Variants in CADPS observed in about 807,000 individuals in gnomAD.
CADPS encodes the protein calcium-dependent secretion activator 1.
Under a neutral mutation model 167.3 loss-of-function variants are expected in CADPS, and 57 were observed. The ratio of observed to expected loss-of-function variants is 0.34; its 90% CI spans 0.28 to 0.42. The LOEUF (loss-of-function observed/expected upper bound fraction) is 0.42, where lower values mean the gene tolerates loss of function less well. CADPS is among the 20% of genes least tolerant of loss of function. The pLI is 1.00. For missense variants in CADPS, 1,414 were observed against 1,738.1 expected (o/e 0.81, Z 3.32); for synonymous variants, 676 against 635.3 (o/e 1.06, Z -0.96).
chr3:62,858,402 C>T (rs1055784546), intron 1 of CADPS, among the ~76,000 whole-genome samples: 10 of 152,146 alleles, frequency 6.6e-5, no homozygotes, highest in African/African-American at 2.4e-4. Flanking sequence ...GAATACAAGT[C>T]CTCCACTTTG....
At chr3:62,810,761 C>A (rs993575925) in intron 1 of CADPS, among the ~76,000 whole-genome samples, 2 of 152,220 alleles carry the variant, frequency 1.3e-5, no homozygotes, top group African/African-American at 2.4e-5. Context: ...TGCTGAATAT[C>A]CCACTGTCAT....
At chr3:62,696,023 C>T (rs2080208385) in intron 3 of CADPS, among the ~76,000 whole-genome samples, 1 of 152,114 alleles carries the variant, frequency 6.6e-6, no homozygotes, top group Non-Finnish European at 1.5e-5. Context: ...TGCCTTTTGT[C>T]AGTTATCAGG....
intron 9 of CADPS, among the ~76,000 whole-genome samples, chr3:62,563,769 C>T (rs2152398623): frequency 6.6e-6 from 1 of 152,264 alleles, no homozygotes; most frequent in East Asian, 1.9e-4. Flanking sequence ...TTAGCCCCCA[C>T]TTATGAATGA....
intron 21 of CADPS, among the ~76,000 whole-genome samples, chr3:62,487,377 C>T (rs575666897): frequency 5.3e-5 from 8 of 152,296 alleles, no homozygotes; most frequent in African/African-American, 1.9e-4. Context: ...GGACCAAAAC[C>T]TCATATTCAC....
At chr3:62,657,980 T>A (rs1016742512) in intron 4 of CADPS, among the ~76,000 whole-genome samples, 4 of 152,164 alleles carry the variant, frequency 2.6e-5, no homozygotes, top group African/African-American at 9.7e-5. Flanking sequence ...CTGCTTCATA[T>A]GGGCTTCTGG....
intron 3 of CADPS, among the ~76,000 whole-genome samples, chr3:62,751,396 A>T (rs551400243): frequency 6.6e-6 from 1 of 152,302 alleles, no homozygotes; most frequent in East Asian, 1.9e-4. Flanking sequence ...AATAGAGAGT[A>T]AAATACTAAA....
intron 26 of CADPS, among the ~76,000 whole-genome samples, chr3:62,449,316 T>G (rs2057704133): frequency 6.6e-6 from 1 of 152,164 alleles, no homozygotes; most frequent in Admixed American, 6.5e-5. Flanking sequence ...TACATGAGAG[T>G]TTATCTCTAG....
chr3:62,837,701 T>A (rs889762323), intron 1 of CADPS, among the ~76,000 whole-genome samples: 3 of 152,190 alleles, frequency 2.0e-5, no homozygotes, highest in African/African-American at 4.8e-5. Context: ...TCACAGCACA[T>A]CCTATCATAG....
rs577322298 is a variant in CADPS, at chr3:62,859,052, T to TA, written c.441+15536dup. On this transcript the variant is annotated intron_variant, in intron 1 of 29. Coordinates refer to ENST00000383710, the MANE Select transcript of CADPS (RefSeq NM_003716.4). ...GATAGTAATTAGAGAAAGCTTTATA[T>TA]AAAAGCATTTGGATGAGTACACAAG... Among the ~76,000 whole-genome samples the TA allele has an allele frequency of 7.9e-4, 121 of 152,264 alleles. 1 individual carries two copies. The Middle Eastern group carries it at 0.01, about 13-fold the overall frequency.
At chr3:62,668,372 C>G (rs187272621) in intron 3 of CADPS, among the ~76,000 whole-genome samples, 4 of 152,166 alleles carry the variant, frequency 2.6e-5, no homozygotes, top group African/African-American at 4.8e-5. Flanking sequence ...GCAGCCTTGT[C>G]GGGCACCACA....
intron 3 of CADPS, among the ~76,000 whole-genome samples, chr3:62,680,144 A>C (rs968055499): frequency 6.6e-6 from 1 of 151,978 alleles, no homozygotes; most frequent in African/African-American, 2.4e-5. Context: ...CAAGGAAAAA[A>C]AGGTGGAGCA....
At chr3:62,570,207 G>T (rs1200268384) in intron 9 of CADPS, among the ~76,000 whole-genome samples, 1 of 145,010 alleles carries the variant, frequency 6.9e-6, no homozygotes, top group Non-Finnish European at 1.5e-5. Flanking sequence ...GCAACTTGCA[G>T]AACAACTTGA....
Position 62,699,380 on chromosome 3 carries a change from G to A in CADPS, c.889-36986C>T, listed in dbSNP as rs554538930. Among the ~76,000 whole-genome samples the A allele has an allele frequency of 4.6e-5, 7 of 152,068 alleles. No homozygotes were observed. In the South Asian group the frequency reaches 1.5e-3, roughly 32 times the overall value. On this transcript the variant is annotated intron_variant, in intron 3 of 29. Coordinates refer to ENST00000383710, the MANE Select transcript of CADPS (RefSeq NM_003716.4). Reference sequence around the variant, plus strand: ...TCTGGCTGCACTTTAGTATCACTAAGGAACTTTCTTTAAAACAAATATTGA... The same window carrying A: ...TCTGGCTGCACTTTAGTATCACTAAAGAACTTTCTTTAAAACAAATATTGA...
intron 1 of CADPS, among the ~76,000 whole-genome samples, chr3:62,855,641 G>A (rs917380394): frequency 1.8e-4 from 28 of 152,180 alleles, no homozygotes; most frequent in Middle Eastern, 6.8e-3. Flanking sequence ...AGCTGAAGTA[G>A]CAAGTCACAA....
intron 28 of CADPS, among the ~76,000 whole-genome samples, chr3:62,410,644 C>T (rs1357535654): frequency 1.3e-5 from 2 of 152,194 alleles, no homozygotes; most frequent in Admixed American, 6.5e-5. Flanking sequence ...AATAATAAAA[C>T]CTACTTAGGA....
At chr3:62,651,555 CAT>C (rs2070152472) in intron 4 of CADPS, among the ~76,000 whole-genome samples, 1 of 152,132 alleles carries the variant, frequency 6.6e-6, no homozygotes, top group Non-Finnish European at 1.5e-5. Flanking sequence ...AGGTTTCAAA[CAT>C]AGTCTGTGTC....
At chr3:62,727,606 G>T (rs1262553275) in intron 3 of CADPS, among the ~76,000 whole-genome samples, 1 of 151,874 alleles carries the variant, frequency 6.6e-6, no homozygotes, top group Non-Finnish European at 1.5e-5. Flanking sequence ...GGCACCTGCG[G>T]AGATGTAGGG....
At chr3:62,513,454 C>T (rs961777492) in intron 16 of CADPS, among the ~76,000 whole-genome samples, 30 of 151,864 alleles carry the variant, frequency 2.0e-4, no homozygotes, top group African/African-American at 7.0e-4. Flanking sequence ...ATTGTCTAAC[C>T]TGTTTTAGGC....
intron 4 of CADPS, 136 bp from the exon 5 acceptor site, chr3:62,651,216 C>A: frequency 1.5e-6 from 1 of 646,974 alleles, no homozygotes; most frequent in Non-Finnish European, 2.7e-6. Context: ...TGGCCTTGTG[C>A]TAGAAAAATG....
Sources: allele counts gnomAD v4.1 joint callset (sites outside exome capture counted in the v4.1 genomes callset), GRCh38; gene constraint gnomAD v4.1.1; transcripts MANE v1.5; gene names NCBI Gene and HGNC (gene_info 2026-07-23, HGNC 2026-07-21).